The following SMOC2 variants were observed in gnomAD, a reference collection of about 807,000 sequenced individuals.
SMOC2 encodes the protein SPARC-related modular calcium-binding protein 2.
SMOC2 carries 39 observed loss-of-function variants against 61.4 expected under a neutral mutation model. That is an observed-to-expected ratio of 0.64 (90% CI 0.49 to 0.83). SMOC2 has a LOEUF of 0.83. Ranked by LOEUF, SMOC2 falls within the 40% of genes least tolerant of loss-of-function variation. SMOC2 has a pLI of 0.00. For missense variants in SMOC2, 556 were observed against 592.9 expected (o/e 0.94, Z 0.65); for synonymous variants, 247 against 239.9 (o/e 1.03, Z -0.27).
At chr6:168,583,040 G>T (rs75211859) in intron 7 of SMOC2, among the ~76,000 whole-genome samples, 2,358 of 152,282 alleles carry the variant, frequency 0.015, 81 homozygotes, top group Admixed American at 0.069. Context: ...TGAAGTCAGT[G>T]ATTCTGAACT....
In SMOC2 at chr6:168,536,017, G is replaced by T. The variant is rs546256708; in HGVS notation, c.464-7608G>T. Among the ~76,000 whole-genome samples, 3 of 152,314 alleles carry T rather than the reference G, an allele frequency of 2.0e-5. No homozygotes were observed. In the South Asian group the frequency reaches 6.2e-4, roughly 32 times the overall value. On this transcript the variant is annotated intron_variant, in intron 4 of 12. Coordinates refer to ENST00000356284, the MANE Select transcript of SMOC2 (RefSeq NM_001166412.2). ...TGGATTCTGGCTCGAATTTTCACAC[G>T]TGCCAACCTCACTCGGAGGGCCTGA...
At chr6:168,606,492 G>A (rs1280696882) in intron 8 of SMOC2, among the ~76,000 whole-genome samples, 1 of 152,130 alleles carries the variant, frequency 6.6e-6, no homozygotes, top group African/African-American at 2.4e-5. Flanking sequence ...AGCTGGATGG[G>A]GTCCTCTCAC....
chr6:168,518,989 GTA>G (rs1783243695), intron 2 of SMOC2, among the ~76,000 whole-genome samples: 5 of 150,950 alleles, frequency 3.3e-5, no homozygotes, highest in Non-Finnish European at 4.4e-5. Flanking sequence ...GCATGCGTGT[GTA>G]TGCGTGCATG....
intron 1 of SMOC2, among the ~76,000 whole-genome samples, chr6:168,469,527 G>A (rs1781921776): frequency 6.6e-6 from 1 of 152,200 alleles, no homozygotes; most frequent in African/African-American, 2.4e-5. Flanking sequence ...AAGCAATTTT[G>A]TAAATCTTTC....
At chr6:168,639,190 G>A (rs114122825) in intron 9 of SMOC2, among the ~76,000 whole-genome samples, 1,693 of 152,242 alleles carry the variant, frequency 0.011, 45 homozygotes, top group African/African-American at 0.039. Flanking sequence ...GGAGCCCCCC[G>A]TTTTGGCTCT....
At chr6:168,622,024 G>A (rs1786259756) in intron 9 of SMOC2, among the ~76,000 whole-genome samples, 1 of 152,000 alleles carries the variant, frequency 6.6e-6, no homozygotes, top group African/African-American at 2.4e-5. Flanking sequence ...GGAGAGCAGT[G>A]GCATGATCTC....
At chr6:168,505,340 C>T (rs1205417432) in intron 1 of SMOC2, among the ~76,000 whole-genome samples, 1 of 151,772 alleles carries the variant, frequency 6.6e-6, no homozygotes, top group Non-Finnish European at 1.5e-5. Context: ...ATGAAATGTC[C>T]ATCTCTCAGA....
intron 1 of SMOC2, among the ~76,000 whole-genome samples, chr6:168,448,170 G>A (rs906070785): frequency 4.6e-5 from 7 of 152,196 alleles, no homozygotes; most frequent in African/African-American, 9.7e-5. Flanking sequence ...GAGTTGTGAA[G>A]GAGCAAAATC....
chr6:168,541,825 A>G (rs1783883491), intron 4 of SMOC2, among the ~76,000 whole-genome samples: 1 of 152,090 alleles, frequency 6.6e-6, no homozygotes, highest in East Asian at 1.9e-4. Context: ...ATTCAATGCA[A>G]GGGCCCGAAG....
Position 168,608,196 on chromosome 6 carries a change from C to T in SMOC2, c.864C>T (p.His288=). ...AATGTGACAACACGGCCAGGGCCCA[C>T]CCAGCCAAAGCCCGGGACCTGTACA... ...QPKCDNTARA[H]PAKARDLYKG... The change falls in exon 9 of 13, where the codon CAC becomes CAT. Residue 288 remains histidine, a synonymous_variant. Transcript: ENST00000356284. 6.2e-7 allele frequency: 1 copy of T among 1,613,850 alleles called. No homozygotes were observed. Among genetic ancestry groups the T allele is most frequent in the Non-Finnish European group, 8.5e-7 (1 of 1,179,964 alleles).
intron 11 of SMOC2, among the ~76,000 whole-genome samples, chr6:168,655,211 C>T (rs34108025): frequency 0.073 from 10,644 of 144,898 alleles, 83 homozygotes; most frequent in East Asian, 0.31. Context: ...ACCAACCCTG[C>T]ACCTGAGCTC....
intron 1 of SMOC2, among the ~76,000 whole-genome samples, chr6:168,471,554 C>G (rs1323469480): frequency 6.6e-6 from 1 of 152,172 alleles, no homozygotes; most frequent in Non-Finnish European, 1.5e-5. Flanking sequence ...GCTTTCAGTT[C>G]TCACGGATAT....
chr6:168,656,656 C>G (rs753020767), intron 11 of SMOC2, among the ~76,000 whole-genome samples: 1 of 151,722 alleles, frequency 6.6e-6, no homozygotes, highest in East Asian at 1.9e-4. Flanking sequence ...TGATCATCGT[C>G]TGCCTCCTCT....
chr6:168,557,910 G>C (rs367922871), intron 7 of SMOC2, among the ~76,000 whole-genome samples: 133 of 152,382 alleles, frequency 8.7e-4, no homozygotes, highest in African/African-American at 3.1e-3. Context: ...AAGTGGCTGA[G>C]GCCAGGATTT....
At chr6:168,451,749 G>A (rs1020792453) in intron 1 of SMOC2, among the ~76,000 whole-genome samples, 4 of 152,184 alleles carry the variant, frequency 2.6e-5, no homozygotes, top group Admixed American at 2.6e-4. Flanking sequence ...AGGATACGCA[G>A]ATCTGTGAGT....
chr6:168,579,232 G>C (rs760545229), intron 7 of SMOC2, among the ~76,000 whole-genome samples: 17 of 151,192 alleles, frequency 1.1e-4, no homozygotes, highest in Middle Eastern at 3.4e-3. Context: ...ATGCTATTTT[G>C]ATGTTTCCTT....
chr6:168,599,117 C>A lies in SMOC2; in HGVS notation c.824+113C>A. ...ACACACCGACACACAGTCACACACA[C>A]ACTCACACTCACACACACTGATACC... On this transcript the variant is annotated intron_variant, in intron 8 of 12. Coordinates refer to ENST00000356284, the MANE Select transcript of SMOC2 (RefSeq NM_001166412.2). 4 of 339,450 alleles carry A rather than the reference C, an allele frequency of 1.2e-5. No individual in the cohort carries two copies. The South Asian group carries it at 1.7e-4, about 14-fold the overall frequency. The allele number at this position is 339,450 out of a possible 1,614,324, so 21.0% of individuals were successfully genotyped here. A position where few individuals can be genotyped will look rare whatever the true frequency, so the allele number is the denominator to read the frequency against.
At chr6:168,582,914 A>T (rs1784953574) in intron 7 of SMOC2, among the ~76,000 whole-genome samples, 1 of 151,992 alleles carries the variant, frequency 6.6e-6, no homozygotes, top group African/African-American at 2.4e-5. Context: ...TTCCACATGG[A>T]CACTGTGGCG....
At chr6:168,576,446 G>A (rs1359508247) in intron 7 of SMOC2, among the ~76,000 whole-genome samples, 6 of 152,092 alleles carry the variant, frequency 3.9e-5, no homozygotes, top group African/African-American at 1.2e-4. Flanking sequence ...AGGCTCACAC[G>A]CTTCCAGAGT....
Sources: gnomAD v4.1 joint callset for allele counts (sites outside exome capture counted in the v4.1 genomes callset) on GRCh38, gnomAD v4.1.1 for gene constraint, MANE v1.5 for transcripts, NCBI Gene and HGNC (gene_info 2026-07-23, HGNC 2026-07-21) for gene names.